Variants in PRKDC observed in about 807,000 individuals in gnomAD.
PRKDC encodes protein kinase, DNA-activated, catalytic subunit.
A neutral mutation model predicts 486.9 loss-of-function variants in PRKDC; 82 were observed. The observed-to-expected ratio is 0.17, with a 90% confidence interval of 0.14 to 0.20. The LOEUF (loss-of-function observed/expected upper bound fraction) is 0.20. PRKDC is among the 10% of genes least tolerant of loss of function. The pLI is 1.00. For synonymous variants in PRKDC, 1,895 were observed against 1,837.0 expected (o/e 1.03, Z -0.81); for missense variants, 4,504 against 5,038.2 (o/e 0.89, Z 3.21).
chr8:47,854,368 C>T (rs1304196888), intron 50 of PRKDC, among the ~76,000 whole-genome samples, 154 bp from the exon 51 acceptor site: 3 of 152,032 alleles, frequency 2.0e-5, no homozygotes, highest in Non-Finnish European at 2.9e-5. Context: ...CTTGGAGTCT[C>T]GCTTTGTCGC....
chr8:47,860,424 G>A (rs1249672491), intron 45 of PRKDC, among the ~76,000 whole-genome samples: 1 of 152,232 alleles, frequency 6.6e-6, no homozygotes, highest in Non-Finnish European at 1.5e-5. Flanking sequence ...GCTGGAGTGA[G>A]CAGTAAGAAG....
At chr8:47,897,738 A>G (rs558454399) in intron 29 of PRKDC, among the ~76,000 whole-genome samples, 1 of 152,250 alleles carries the variant, frequency 6.6e-6, no homozygotes, top group Non-Finnish European at 1.5e-5. Flanking sequence ...CTAGATCTCC[A>G]GGCAATTCTA....
intron 3 of PRKDC, among the ~76,000 whole-genome samples, chr8:47,956,665 T>C (rs2090707297): frequency 6.6e-6 from 1 of 151,910 alleles, no homozygotes; most frequent in Admixed American, 6.6e-5. Context: ...ATTGCACCAC[T>C]GCACTCCAGC....
intron 25 of PRKDC, 38 bp downstream of exon 25, chr8:47,912,372 T>C: frequency 4.1e-6 from 6 of 1,474,138 alleles, no homozygotes; most frequent in Non-Finnish European, 5.4e-6. Context: ...ACCAAACTTT[T>C]AGAAATTTTA....
intron 76 of PRKDC, 42 bp downstream of exon 76, chr8:47,788,861 CACA>C: frequency 6.7e-7 from 1 of 1,483,724 alleles, no homozygotes; most frequent in Non-Finnish European, 9.0e-7. Context: ...TATTGACTGT[CACA>C]ACGACTCTGC....
At chr8:47,944,158 T>C (rs1455249292) in intron 7 of PRKDC, 129 bp from the exon 8 acceptor site, 4 of 806,646 alleles carry the variant, frequency 5.0e-6, no homozygotes, top group South Asian at 3.4e-5. Context: ...TCTTTCATCA[T>C]TCCATCCAGC....
intron 49 of PRKDC, 53 bp downstream of exon 49, chr8:47,857,103 T>C (rs1004878943): frequency 1.8e-5 from 28 of 1,565,536 alleles, no homozygotes; most frequent in Non-Finnish European, 2.2e-5. Flanking sequence ...ATAGGCTCTA[T>C]AGGCTATTGG....
At chr8:47,896,334 T>C (rs924226141) in intron 30 of PRKDC, among the ~76,000 whole-genome samples, 4 of 151,940 alleles carry the variant, frequency 2.6e-5, no homozygotes, top group African/African-American at 9.7e-5. Context: ...TCTTGTTCCA[T>C]GAAGAAAAAG....
chr8:47,876,796 A>G lies in PRKDC; in HGVS notation c.5363+928T>C, dbSNP rs372719713. On this transcript the variant is annotated intron_variant, in intron 40 of 85. Coordinates refer to ENST00000314191, the MANE Select transcript of PRKDC (RefSeq NM_006904.7). ...CATTACACTGTAATTCCAGGCACTA[A>G]ATTTAGAAGGAATAAAAGAATCAGA... Among the ~76,000 whole-genome samples, 29 of 152,338 alleles carry G rather than the reference A, an allele frequency of 1.9e-4. No homozygotes were observed. The East Asian group carries it at 5.6e-3, about 29-fold the overall frequency.
intron 54 of PRKDC, among the ~76,000 whole-genome samples, chr8:47,841,340 T>C (rs933864557): frequency 6.6e-6 from 1 of 152,108 alleles, no homozygotes; most frequent in Non-Finnish European, 1.5e-5. Context: ...CCCTGCTGAA[T>C]GCTGGGCTGG....
intron 21 of PRKDC, among the ~76,000 whole-genome samples, chr8:47,924,575 A>ATAC (rs2090124484): frequency 6.6e-6 from 1 of 151,888 alleles, no homozygotes; most frequent in Non-Finnish European, 1.5e-5. Flanking sequence ...AATAATAATA[A>ATAC]TAATAAAAAA....
In PRKDC at chr8:47,933,988, G is replaced by A; in HGVS notation, c.1600C>T (p.Leu534Phe). The change falls in exon 15 of 86, where the codon CTC (leucine) becomes TTC (phenylalanine). Residue 534 changes from leucine (L) to phenylalanine (F), a missense_variant. Physicochemically the swap from Leu to Phe is conservative, Grantham distance 22. This residue lies in a region of PRKDC where 1,969 missense variants were observed against 2,068.9 expected (regional missense o/e 0.95). Coordinates refer to ENST00000314191, the MANE Select transcript of PRKDC (RefSeq NM_006904.7). ...YKDYVDLFRH[L>F]LSSDQMMDSI... ...ACCATCATCTGGTCAGAGCTCAGGA[G>A]ATGTCTGAAGAGATCCACGTAGTCT... is the stretch of plus-strand genomic sequence containing the variant. The A allele has an allele frequency of 1.2e-6, 2 of 1,612,992 alleles. No individual in the cohort carries two copies. The highest frequency in any genetic ancestry group is 1.1e-5 in the South Asian group (1 of 91,026).
intron 85 of PRKDC, among the ~76,000 whole-genome samples, chr8:47,774,772 T>C (rs1236359618): frequency 6.6e-6 from 1 of 152,082 alleles, no homozygotes; most frequent in African/African-American, 2.4e-5. Context: ...ATTCCTTTTT[T>C]TTTAATTAAA....
chr8:47,902,337 T>C (rs183191398), intron 27 of PRKDC, among the ~76,000 whole-genome samples: 25 of 152,342 alleles, frequency 1.6e-4, no homozygotes, highest in Admixed American at 1.6e-3. Flanking sequence ...TGTCTTTTGT[T>C]GCATTTCCAA....
chr8:47,801,023 G>GT (rs2154498236), intron 70 of PRKDC, 37 bp from the exon 71 acceptor site: 1 of 1,558,164 alleles, frequency 6.4e-7, no homozygotes, highest in East Asian at 2.2e-5. Context: ...ACAAAATTTT[G>GT]TATGTGTGTG....
chr8:47,820,923 C>A lies in PRKDC; in HGVS notation c.9132G>T (p.Met3044Ile). The A allele has an allele frequency of 6.2e-7, 1 of 1,600,594 alleles. No individual in the cohort carries two copies. Among genetic ancestry groups the A allele is most frequent in the Non-Finnish European group, 8.5e-7 (1 of 1,171,976 alleles). ...GCAGCAGCTTCAGCTTGCTGCGGATCATGTAAGGTAGATATGTTTCCTAAG... is the reference window on the plus strand; with the variant it reads ...GCAGCAGCTTCAGCTTGCTGCGGATAATGTAAGGTAGATATGTTTCCTAAG... ...PFYQETYLPY[M>I]IRSKLKLLLQ... is the part of the protein sequence containing the mutation. The change falls in exon 66 of 86, where the codon ATG becomes ATT. Residue 3044 changes from methionine to isoleucine, a missense_variant. Met to Ile is a conservative substitution (Grantham distance 10, BLOSUM62 1). Coordinates refer to ENST00000314191, the MANE Select transcript of PRKDC (RefSeq NM_006904.7).
intron 74 of PRKDC, among the ~76,000 whole-genome samples, chr8:47,789,525 G>C (rs1047672720): frequency 6.6e-6 from 1 of 151,912 alleles, no homozygotes; most frequent in Non-Finnish European, 1.5e-5. Flanking sequence ...AAAACACAAG[G>C]GAGGAGGGAA....
intron 32 of PRKDC, 110 bp downstream of exon 32, chr8:47,890,129 TATAATAATAATAATAATA>T (rs36103307): frequency 2.8e-6 from 1 of 354,438 alleles, no homozygotes; most frequent in African/African-American, 2.3e-5. Context: ...GAGGATGAAA[TATAATAATAATAATAATA>T]ATAATAATAA....
At chr8:47,853,791 C>T (rs1441472913) in intron 51 of PRKDC, among the ~76,000 whole-genome samples, 2 of 152,354 alleles carry the variant, frequency 1.3e-5, no homozygotes, top group East Asian at 3.9e-4. Flanking sequence ...CCAAACATTT[C>T]TTCCAAAAAA....
Sources: allele counts gnomAD v4.1 joint callset (sites outside exome capture counted in the v4.1 genomes callset), GRCh38; gene constraint gnomAD v4.1.1; regional missense constraint gnomAD v4.1.1; transcripts MANE v1.5; gene names NCBI Gene and HGNC (gene_info 2026-07-23, HGNC 2026-07-21).